CTNNAL1: variants seen among roughly 807,000 people sequenced by gnomAD.
CTNNAL1 encodes the protein catenin alpha like 1, also known as alpha-catulin.
CTNNAL1 carries 69 observed loss-of-function variants against 93.6 expected under a neutral mutation model. The ratio of observed to expected loss-of-function variants is 0.74; its 90% confidence interval spans 0.61 to 0.90. CTNNAL1 has a LOEUF of 0.90. Among genes scored for constraint, CTNNAL1 ranks in the 40% least tolerant of loss-of-function variants. The pLI, the probability that CTNNAL1 is intolerant of heterozygous loss-of-function variation, is 0.00. For missense variants in CTNNAL1, 836 were observed against 862.0 expected, an observed-to-expected ratio of 0.97 and a Z score of 0.38; for synonymous variants, 286 against 305.4, an observed-to-expected ratio of 0.94 and a Z score of 0.66.
At chr9:108,991,375 G>C (rs780882995) in intron 3 of CTNNAL1, among the ~76,000 whole-genome samples, 12 of 152,164 alleles carry the variant, frequency 7.9e-5, no homozygotes, top group Admixed American at 2.0e-4. Flanking sequence ...GTCAGGAATG[G>C]GCCATCAGGG....
At chr9:108,985,284 G>A (rs1272149958) in intron 4 of CTNNAL1, among the ~76,000 whole-genome samples, 1 of 152,188 alleles carries the variant, frequency 6.6e-6, no homozygotes, top group Non-Finnish European at 1.5e-5. Flanking sequence ...AAAGCAAACA[G>A]AGACAATACA....
intron 6 of CTNNAL1, among the ~76,000 whole-genome samples, chr9:108,982,211 G>C (rs1025021671): frequency 2.0e-5 from 3 of 152,066 alleles, no homozygotes; most frequent in Non-Finnish European, 4.4e-5. Context: ...CCCAACTCTG[G>C]TACTTAGTAG....
In CTNNAL1 at chr9:108,943,782, T is replaced by A. The variant is rs141504242; in HGVS notation, c.1976A>T (p.Glu659Val). Residue 659 changes from glutamate (E) to valine (V), a missense_variant, in exon 17 of 19, where the codon GAA becomes GTA. Coordinates refer to ENST00000325551, the MANE Select transcript of CTNNAL1 (RefSeq NM_003798.4). ...GCATAGAGGAATTAGCTTGTTTATT[T>A]CCAGGAGAAGCATAAGCTTGTCATC... ...KDDDKLMLLL[E>V]INKLIPLCHQ... is the part of the protein sequence containing the mutation. The A allele has an allele frequency of 2.1e-5, 34 of 1,613,732 alleles. No individual in the cohort carries two copies. In the South Asian group the frequency reaches 3.2e-4, roughly 15 times the overall value.
intron 8 of CTNNAL1, 31 bp from the exon 9 acceptor site, chr9:108,972,864 G>GGGGGGCCCCT: frequency 7.0e-6 from 1 of 142,590 alleles, no homozygotes; most frequent in Non-Finnish European, 1.0e-5. Context: ...GGGGGGGTGG[G>GGGGGGCCCCT]AGGGTGGAGA....
In CTNNAL1 at chr9:109,013,323, C is replaced by A; in HGVS notation, c.120G>T (p.Thr40=). 1 of 1,513,068 alleles carries A rather than the reference C, an allele frequency of 6.6e-7. No homozygotes were observed. Among genetic ancestry groups the A allele is most frequent in the Non-Finnish European group, 8.9e-7 (1 of 1,129,874 alleles). 93.7% of individuals were successfully genotyped at this position (1,513,068 alleles called of 1,614,324 possible). A position where few individuals can be genotyped will look rare whatever the true frequency, so the allele number is the denominator to read the frequency against. The change falls in exon 1 of 19, where the codon ACG becomes ACT. Residue 40 remains threonine (T), a synonymous_variant. Transcript: ENST00000325551. The stretch of plus-strand genomic sequence containing the variant: ...TTACCTGAGAAACCAGCGGGAGTAG[C>A]GTCTGCTCCACCGAGCGAGTTTTGA... The part of the protein sequence containing the change: ...LEIKTRSVEQ[T]LLPLVSQITT...
intron 8 of CTNNAL1, 31 bp from the exon 9 acceptor site, chr9:108,972,864 G>GGGGGGCGGCCCCC: frequency 7.0e-6 from 1 of 142,586 alleles, no homozygotes; most frequent in Non-Finnish European, 1.0e-5. Context: ...GGGGGGGTGG[G>GGGGGGCGGCCCCC]AGGGTGGAGA....
chr9:108,985,014 C>T (rs1831563578), intron 4 of CTNNAL1, among the ~76,000 whole-genome samples: 1 of 152,152 alleles, frequency 6.6e-6, no homozygotes, highest in Non-Finnish European at 1.5e-5. Flanking sequence ...AAAGGAACAC[C>T]TAAGAAAGCA....
chr9:108,992,324 A>C (rs940264990), intron 3 of CTNNAL1, among the ~76,000 whole-genome samples: 2 of 152,206 alleles, frequency 1.3e-5, no homozygotes, highest in Non-Finnish European at 2.9e-5. Flanking sequence ...CTACAGACAG[A>C]GTTATAAACA....
intron 17 of CTNNAL1, among the ~76,000 whole-genome samples, chr9:108,943,465 T>C (rs1209340896): frequency 6.6e-6 from 1 of 152,188 alleles, no homozygotes; most frequent in African/African-American, 2.4e-5. Context: ...GACTTCAGAA[T>C]TGAAGGGCAG....
At chr9:108,995,609 T>A (rs904410436) in intron 2 of CTNNAL1, among the ~76,000 whole-genome samples, 7 of 152,314 alleles carry the variant, frequency 4.6e-5, no homozygotes, top group Non-Finnish European at 1.0e-4. Context: ...TGCTGTGCCT[T>A]AATAGGAAAA....
intron 6 of CTNNAL1, 32 bp from the exon 7 acceptor site, chr9:108,979,513 G>A (rs1274145739): frequency 1.2e-6 from 2 of 1,604,626 alleles, no homozygotes; most frequent in Non-Finnish European, 1.7e-6. Context: ...ATCCATCCAT[G>A]TGAGTCAATA....
intron 15 of CTNNAL1, 110 bp downstream of exon 15, chr9:108,948,076 G>A (rs963987214): frequency 8.2e-7 from 1 of 1,219,028 alleles, no homozygotes; most frequent in East Asian, 2.5e-5. Flanking sequence ...TACACAGGTA[G>A]GTACAGATGT....
chr9:109,009,325 T>A (rs1284484842), intron 1 of CTNNAL1, among the ~76,000 whole-genome samples: 2 of 151,514 alleles, frequency 1.3e-5, no homozygotes, highest in African/African-American at 2.4e-5. Flanking sequence ...TTTCTAAAAG[T>A]GTTGTGAGCT....
chr9:108,981,678 A>G (rs1831433697), intron 6 of CTNNAL1, among the ~76,000 whole-genome samples: 1 of 152,150 alleles, frequency 6.6e-6, no homozygotes, highest in South Asian at 2.1e-4. Context: ...TAATCCCAGC[A>G]CTTTGGGAGG....
Position 108,952,290 on chromosome 9 carries a change from T to G in CTNNAL1, c.1754A>C (p.Lys585Thr), listed in dbSNP as rs1026463480. The change falls in exon 14 of 19, where the codon AAG becomes ACG. Residue 585 changes from lysine to threonine, a missense_variant. By Grantham distance (78) the Lys-to-Thr change is moderately conservative. Transcript: ENST00000325551. ...AATCTCATTCTCCTGATCTTCCCACTTCTCAATTTCGCAGTCAGCGTCAGA... is the reference window on the plus strand; with the variant it reads ...AATCTCATTCTCCTGATCTTCCCACGTCTCAATTTCGCAGTCAGCGTCAGA... ...LTSDADCEIE[K>T]WEDQENEIVQ... 2 of 1,614,104 alleles carry G rather than the reference T, an allele frequency of 1.2e-6. No individual in the cohort carries two copies. Among genetic ancestry groups the G allele is most frequent in the African/African-American group, 2.7e-5 (2 of 74,948 alleles).
chr9:108,958,063 CAAAA>C (rs11291554), intron 11 of CTNNAL1, among the ~76,000 whole-genome samples: 3 of 85,112 alleles, frequency 3.5e-5, no homozygotes, highest in Non-Finnish European at 6.7e-5. Context: ...AAGACTGTCT[CAAAA>C]AAAAAAAAAA....
At chr9:108,988,179 G>A (rs1831673808) in intron 4 of CTNNAL1, among the ~76,000 whole-genome samples, 1 of 152,144 alleles carries the variant, frequency 6.6e-6, no homozygotes, top group Non-Finnish European at 1.5e-5. Flanking sequence ...TGCTTCCCAG[G>A]TTCAAGTAAT....
At chr9:108,947,418 T>C (rs1830439520) in intron 15 of CTNNAL1, among the ~76,000 whole-genome samples, 1 of 152,118 alleles carries the variant, frequency 6.6e-6, no homozygotes, top group African/African-American at 2.4e-5. Flanking sequence ...TGGCCTAAAG[T>C]GATAGAAATT....
At chr9:108,998,939 C>A in intron 2 of CTNNAL1, 128 bp downstream of exon 2, 1 of 1,117,774 alleles carries the variant, frequency 8.9e-7, no homozygotes, top group Non-Finnish European at 1.2e-6. Context: ...CTAATCCAGG[C>A]CTTTAATGTC....
Sources: allele counts gnomAD v4.1 joint callset (sites outside exome capture counted in the v4.1 genomes callset), GRCh38; gene constraint gnomAD v4.1.1; transcripts MANE v1.5; gene names NCBI Gene and HGNC (gene_info 2026-07-23, HGNC 2026-07-21).